Variants in MED24 observed in about 807,000 individuals in gnomAD.
The protein encoded by MED24 is mediator of RNA polymerase II transcription subunit 24.
MED24 carries 74 observed loss-of-function variants against 118.8 expected under a neutral mutation model. That is an observed-to-expected ratio of 0.62 (90% CI 0.52 to 0.76). The LOEUF (loss-of-function observed/expected upper bound fraction) is 0.76, where lower values mean the gene tolerates loss of function less well. Ranked by LOEUF, MED24 falls within the 30% of genes least tolerant of loss-of-function variation. MED24 has a pLI of 0.00. For missense variants in MED24, 1,041 were observed against 1,278.9 expected, an observed-to-expected ratio of 0.81 and a Z score of 2.84; for synonymous variants, 521 against 523.9, an observed-to-expected ratio of 0.99 and a Z score of 0.08.
At chr17:40,022,952 C>G in intron 20 of MED24, 126 bp from the exon 21 acceptor site, 1 of 1,353,708 alleles carries the variant, frequency 7.4e-7, no homozygotes. Context: ...TGCTCCGCCC[C>G]TCAGGCTGAA....
intron 14 of MED24, 112 bp downstream of exon 14, chr17:40,028,714 C>A (rs899853947): frequency 8.3e-6 from 12 of 1,444,888 alleles, no homozygotes; most frequent in Non-Finnish European, 1.1e-5. Flanking sequence ...TGCCTAGGCC[C>A]GTGGGTCTCT....
At chr17:40,048,752 A>C (rs931005056) in intron 3 of MED24, among the ~76,000 whole-genome samples, 2 of 152,026 alleles carry the variant, frequency 1.3e-5, no homozygotes, top group African/African-American at 4.8e-5. Flanking sequence ...ACAGAATTTC[A>C]CCATGTTGAC....
chr17:40,043,068 A>G (rs1028423775), intron 3 of MED24, among the ~76,000 whole-genome samples: 3 of 152,226 alleles, frequency 2.0e-5, no homozygotes, highest in Non-Finnish European at 2.9e-5. Context: ...CTGCTGCCTC[A>G]GCCTCCCGAG....
chr17:40,030,540 C>T (rs751345687), intron 12 of MED24, among the ~76,000 whole-genome samples: 5 of 152,100 alleles, frequency 3.3e-5, no homozygotes, highest in South Asian at 2.1e-4. Flanking sequence ...GTGATCCACC[C>T]GCCTTGGCCT....
In MED24 at chr17:40,022,722, G is replaced by C; in HGVS notation, c.2355C>G (p.Gly785=). ...CAGTGAGCAGGCCAGGTAGGATGTG[G>C]CCCAGCAGGACCAGGGTCACTTGCT... is the stretch of plus-strand genomic sequence containing the variant. ...DMQQVTLVLL[G]HILPGLLTDS... is the part of the protein sequence containing the mutation. The change falls in exon 21 of 26, where the codon GGC becomes GGG. Residue 785 remains glycine (G), a synonymous_variant. Coordinates refer to ENST00000394128, the MANE Select transcript of MED24 (RefSeq NM_014815.4). The C allele has an allele frequency of 6.2e-7, 1 of 1,613,868 alleles. No individual in the cohort carries two copies. Among genetic ancestry groups the C allele is most frequent in the Non-Finnish European group, 8.5e-7 (1 of 1,179,970 alleles).
At chr17:40,053,952 G>A in intron 1 of MED24, 2 of 464,998 alleles carry the variant, frequency 4.3e-6, no homozygotes, top group Non-Finnish European at 7.7e-6. Context: ...CCAACATGGA[G>A]AAACCTCGTC....
chr17:40,031,252 G>T lies in MED24; in HGVS notation c.1068-7C>A. ...GAAGTTTGTACAGTCACAGCTGTGAGGGAGAAAGATGCTGAGGGAACTGGG... is the reference window on the plus strand; with the variant it reads ...GAAGTTTGTACAGTCACAGCTGTGATGGAGAAAGATGCTGAGGGAACTGGG... On this transcript the variant is annotated splice_region_variant and splice_polypyrimidine_tract_variant and intron_variant, in intron 11 of 25. Coordinates refer to ENST00000394128, the MANE Select transcript of MED24 (RefSeq NM_014815.4). 6.4e-7 allele frequency: 1 copy of T among 1,561,084 alleles called. No homozygotes were observed. Among genetic ancestry groups the T allele is most frequent in the East Asian group, 2.4e-5 (1 of 42,392 alleles).
intron 3 of MED24, among the ~76,000 whole-genome samples, chr17:40,037,364 C>T (rs1984063353): frequency 6.6e-6 from 1 of 152,168 alleles, no homozygotes; most frequent in Non-Finnish European, 1.5e-5. Context: ...AAAGCTGAAA[C>T]CCTTCCTCTG....
intron 19 of MED24, among the ~76,000 whole-genome samples, 156 bp downstream of exon 19, chr17:40,026,000 G>GTGTA (rs1212831240): frequency 2.0e-5 from 3 of 152,234 alleles, no homozygotes; most frequent in Non-Finnish European, 4.4e-5. Context: ...GTACATGTTT[G>GTGTA]CTGAGTCAGA....
chr17:40,039,340 C>A (rs554388322), intron 3 of MED24, among the ~76,000 whole-genome samples: 1 of 152,296 alleles, frequency 6.6e-6, no homozygotes, highest in South Asian at 2.1e-4. Flanking sequence ...CCACCACAGG[C>A]CCCCAGGGCA....
Position 40,026,225 on chromosome 17 carries a change from G to T in MED24, c.1916C>A (p.Ser639Ter). 1.2e-6 allele frequency: 2 copies of T among 1,614,134 alleles called. No homozygotes were observed. Among genetic ancestry groups the T allele is most frequent in the Non-Finnish European group, 1.7e-6 (2 of 1,180,032 alleles). Residue 639 changes from serine (S) to a stop codon, truncating the protein, a stop_gained, in exon 19 of 26, where the codon TCG becomes TAG. Coordinates refer to ENST00000394128, the MANE Select transcript of MED24 (RefSeq NM_014815.4). LOFTEE classifies it high-confidence loss of function. ...TGCCAGCTGGCGGATCATCTGCAGC[G>T]ACTTCTCACGCTCATCCAGCCCCAG... Reference protein sequence around the residue: ...RMLGLDEREKSLQMIRQLAGP... With the variant: ...RMLGLDEREK
intron 9 of MED24, 35 bp downstream of exon 9, chr17:40,032,614 C>T (rs749208785): frequency 1.3e-6 from 2 of 1,546,308 alleles, no homozygotes; most frequent in South Asian, 2.3e-5. Flanking sequence ...AGAACCATTC[C>T]TAGACTGGCT....
chr17:40,052,562 G>C (rs973083604), intron 3 of MED24, among the ~76,000 whole-genome samples: 27 of 152,166 alleles, frequency 1.8e-4, no homozygotes, highest in African/African-American at 6.5e-4. Context: ...ATGAGTATTT[G>C]TTGATAGAAT....
chr17:40,045,917 A>G (rs1408040999), intron 3 of MED24, among the ~76,000 whole-genome samples: 2 of 151,860 alleles, frequency 1.3e-5, no homozygotes, highest in Non-Finnish European at 2.9e-5. Context: ...AGCTGGGACT[A>G]CACGTGCATG....
At position 40,031,634 on chromosome 17, in the gene MED24, G is replaced by A. The variant is rs1244534629; in HGVS notation, c.985-14C>T. 1 of 1,612,194 alleles carries A rather than the reference G, an allele frequency of 6.2e-7. No homozygotes were observed. Among genetic ancestry groups the A allele is most frequent in the South Asian group, 1.1e-5 (1 of 91,024 alleles). On this transcript the variant is annotated splice_polypyrimidine_tract_variant and intron_variant, in intron 10 of 25. Transcript: ENST00000394128. ...CTCAGTGAAGTCCTAGAAAGAGGCA[G>A]AAGTGTCCATCTGGTTTCCAGGGCC...
At position 40,023,226 on chromosome 17, in the gene MED24, G is replaced by A; in HGVS notation, c.2155C>T (p.Leu719=). The A allele has an allele frequency of 6.2e-7, 1 of 1,614,144 alleles. No individual in the cohort carries two copies. Among genetic ancestry groups the A allele is most frequent in the Non-Finnish European group, 8.5e-7 (1 of 1,179,994 alleles). ...CGGCTGTCCACCCAGCCCTTCTCCA[G>A]CACCTTGGCAAAAATGTCCGTCAGC... The part of the protein sequence containing the change: ...EVLTDIFAKV[L]EKGWVDSRSI... The change falls in exon 20 of 26, where the codon CTG becomes TTG. Residue 719 remains leucine (L), a synonymous_variant. Coordinates refer to ENST00000394128, the MANE Select transcript of MED24 (RefSeq NM_014815.4).
chr17:40,048,261 A>G (rs564065054), intron 3 of MED24, among the ~76,000 whole-genome samples: 1 of 152,126 alleles, frequency 6.6e-6, no homozygotes, highest in African/African-American at 2.4e-5. Context: ...CGGTTCAGGA[A>G]CTCCCCAGGG....
At chr17:40,026,614 G>C (rs763658379) in intron 18 of MED24, 33 bp downstream of exon 18, 2 of 1,567,238 alleles carry the variant, frequency 1.3e-6, no homozygotes, top group Non-Finnish European at 1.7e-6. Flanking sequence ...CTGTGTCTCA[G>C]GGGAGCAAAC....
chr17:40,045,902 C>G (rs1000031474), intron 3 of MED24, among the ~76,000 whole-genome samples: 1 of 152,064 alleles, frequency 6.6e-6, no homozygotes. Context: ...CTCAGCCTCC[C>G]GAGTAGCTGG....
Sources: allele counts gnomAD v4.1 joint callset (sites outside exome capture counted in the v4.1 genomes callset), GRCh38; gene constraint gnomAD v4.1.1; transcripts MANE v1.5; gene names NCBI Gene and HGNC (gene_info 2026-07-23, HGNC 2026-07-21).